The following CWF19L1 variants were observed in gnomAD, a reference collection of about 807,000 sequenced individuals.
CWF19L1 encodes the protein CWF19-like protein 1.
CWF19L1 carries 60 observed loss-of-function variants against 69.7 expected under a neutral mutation model. The ratio of observed to expected loss-of-function variants is 0.86; its 90% CI spans 0.70 to 1.07. The LOEUF (loss-of-function observed/expected upper bound fraction) is 1.07, where lower values mean the gene tolerates loss of function less well. Ranked by LOEUF, CWF19L1 falls within the 50% of genes least tolerant of loss-of-function variation. The pLI is 0.00. For synonymous variants in CWF19L1, 209 were observed against 222.2 expected (o/e 0.94, Z 0.53); for missense variants, 591 against 638.9 (o/e 0.92, Z 0.81).
chr10:100,253,747 G>A, intron 5 of CWF19L1: 1 of 438,590 alleles, frequency 2.3e-6, no homozygotes, highest in East Asian at 3.5e-5. Context: ...GTAGAAATAG[G>A]AACAACTGTT....
At chr10:100,248,960 T>C in intron 7 of CWF19L1, 1 of 731,028 alleles carries the variant, frequency 1.4e-6, no homozygotes, top group Admixed American at 2.0e-5. Flanking sequence ...GGGAACAGCC[T>C]GATAGAGCTG....
At chr10:100,248,570 G>A (rs1207436735) in intron 7 of CWF19L1, 12 of 729,758 alleles carry the variant, frequency 1.6e-5, no homozygotes, top group Admixed American at 5.5e-5. Context: ...CAGCTTCCTC[G>A]CATCTTGACC....
At chr10:100,267,300 G>A (rs995906899) in intron 1 of CWF19L1, 2 of 324,452 alleles carry the variant, frequency 6.2e-6, no homozygotes, top group African/African-American at 2.2e-5. Flanking sequence ...TCAGAGGCCA[G>A]GACTGCCCCC....
Position 100,260,257 on chromosome 10 carries a change from C to T in CWF19L1, c.250G>A (p.Ala84Thr). ...NQETVKYFQD[A>T]DGCELAENIT... is the part of the protein sequence containing the mutation. ...TTTTCAGCTAATTCACATCCATCAG[C>T]ATCCTGGAAATATTTTACTGTTTCC... The change falls in exon 4 of 14, where the codon GCT becomes ACT. Residue 84 changes from alanine to threonine, a missense_variant. Physicochemically the swap from Ala to Thr is moderately conservative, Grantham distance 58. Around this residue, in one of 3 missense-constraint regions of CWF19L1, gnomAD observed 129 missense variants for 131.3 expected, o/e 0.98. Coordinates refer to ENST00000354105, the MANE Select transcript of CWF19L1 (RefSeq NM_018294.6). The T allele has an allele frequency of 6.2e-7, 1 of 1,612,322 alleles. No individual in the cohort carries two copies. The highest frequency in any genetic ancestry group is 8.5e-7 in the Non-Finnish European group (1 of 1,178,568).
chr10:100,243,736 C>A lies in CWF19L1; in HGVS notation c.1006G>T (p.Glu336Ter). 1 of 1,614,190 alleles carries A rather than the reference C, an allele frequency of 6.2e-7. No individual in the cohort carries two copies. Among genetic ancestry groups the A allele is most frequent in the Non-Finnish European group, 8.5e-7 (1 of 1,180,010 alleles). ...TTGACCACCAAATGTTTTTCCACTTCAGGGCTAGCAAGGCAAAACCAGCAG... is the reference window on the plus strand; with the variant it reads ...TTGACCACCAAATGTTTTTCCACTTAAGGGCTAGCAAGGCAAAACCAGCAG... ...GPCWFCLASP[E>*]VEKHLVVNIG... Residue 336 changes from glutamate (E) to a stop codon, truncating the protein, a stop_gained, in exon 10 of 14, where the codon GAA (glutamate) becomes TAA (stop). Coordinates refer to ENST00000354105, the MANE Select transcript of CWF19L1 (RefSeq NM_018294.6). LOFTEE classifies it high-confidence loss of function.
intron 11 of CWF19L1, chr10:100,237,301 C>T (rs765926739): frequency 1.9e-6 from 1 of 526,940 alleles, no homozygotes; most frequent in East Asian, 4.9e-5. Flanking sequence ...ACCACCACAA[C>T]TACAAATGAT....
intron 10 of CWF19L1, among the ~76,000 whole-genome samples, chr10:100,239,101 G>C (rs1846554131): frequency 7.5e-6 from 1 of 133,976 alleles, no homozygotes; most frequent in Non-Finnish European, 1.5e-5. Context: ...CAAAACAAAA[G>C]CAAACATACA....
Position 100,236,906 on chromosome 10 carries a change from C to A in CWF19L1, c.1318G>T (p.Ala440Ser). ...AACAGCTCTATCTGCTGCTCCTGTG[C>A]CTGGGTAATGAAGGCATCTTTAATG... is the stretch of plus-strand genomic sequence containing the variant. The part of the protein sequence containing the change: ...DDIKDAFITQ[A>S]QEQQIELLEI... Residue 440 changes from alanine (A) to serine (S), a missense_variant, in exon 12 of 14, where the codon GCA (alanine) becomes TCA (serine). This residue lies in a region of CWF19L1 where 458 missense variants were observed against 489.3 expected (regional missense o/e 0.94). Coordinates refer to ENST00000354105, the MANE Select transcript of CWF19L1 (RefSeq NM_018294.6). 1 of 1,612,148 alleles carries A rather than the reference C, an allele frequency of 6.2e-7. No homozygotes were observed. Among genetic ancestry groups the A allele is most frequent in the Non-Finnish European group, 8.5e-7 (1 of 1,179,084 alleles).
chr10:100,242,738 T>A (rs889138084), intron 10 of CWF19L1, among the ~76,000 whole-genome samples: 2 of 150,970 alleles, frequency 1.3e-5, no homozygotes, highest in Non-Finnish European at 2.9e-5. Flanking sequence ...AAAAAGAATA[T>A]CAACATTTTT....
chr10:100,235,611 A>C, intron 13 of CWF19L1, 56 bp downstream of exon 13: 1 of 1,243,578 alleles, frequency 8.0e-7, no homozygotes, highest in Non-Finnish European at 1.2e-6. Context: ...CATGTAGCCC[A>C]CCACTCTGTT....
At chr10:100,244,457 G>A (rs1846742182) in intron 9 of CWF19L1, among the ~76,000 whole-genome samples, 5 of 152,200 alleles carry the variant, frequency 3.3e-5, no homozygotes, top group Admixed American at 6.5e-5. Context: ...CCAGGTTCAT[G>A]CCATTCTCCT....
intron 7 of CWF19L1, chr10:100,249,052 A>G (rs945818307): frequency 1.6e-5 from 9 of 555,938 alleles, no homozygotes; most frequent in Non-Finnish European, 2.7e-5. Flanking sequence ...GGGGCAGTCC[A>G]TGCTCCTCCA....
At chr10:100,242,598 C>T (rs886562129) in intron 10 of CWF19L1, among the ~76,000 whole-genome samples, 11 of 150,834 alleles carry the variant, frequency 7.3e-5, no homozygotes, top group Admixed American at 2.7e-4. Flanking sequence ...CACTTGAACC[C>T]GGGAGGCAGA....
At chr10:100,262,214 G>A in intron 1 of CWF19L1, 151 bp from the exon 2 acceptor site, 1 of 1,349,012 alleles carries the variant, frequency 7.4e-7, no homozygotes, top group Non-Finnish European at 9.5e-7. Flanking sequence ...CCACTGGGCA[G>A]ATCCACTGAG....
chr10:100,241,854 C>T (rs1478700652), intron 10 of CWF19L1, among the ~76,000 whole-genome samples: 2 of 152,196 alleles, frequency 1.3e-5, no homozygotes, highest in Non-Finnish European at 2.9e-5. Flanking sequence ...CAAATCACCT[C>T]TTATTAGGCC....
At chr10:100,246,763 T>C in intron 8 of CWF19L1, 32 bp downstream of exon 8, 2 of 1,580,010 alleles carry the variant, frequency 1.3e-6, no homozygotes, top group Non-Finnish European at 1.7e-6. Context: ...AAAGAACACA[T>C]ATAAAAATGC....
At chr10:100,263,214 T>C (rs758748585) in intron 1 of CWF19L1, among the ~76,000 whole-genome samples, 6 of 152,212 alleles carry the variant, frequency 3.9e-5, no homozygotes, top group Non-Finnish European at 8.8e-5. Context: ...CCACTGCCTA[T>C]AGAACCACAG....
chr10:100,262,450 T>C, intron 1 of CWF19L1: 1 of 985,318 alleles, frequency 1.0e-6, no homozygotes, highest in Non-Finnish European at 1.2e-6. Context: ...TCCTCCTATC[T>C]TAGTACGACT....
At chr10:100,249,611 G>C (rs1215012319) in intron 7 of CWF19L1, among the ~76,000 whole-genome samples, 1 of 151,996 alleles carries the variant, frequency 6.6e-6, no homozygotes, top group Non-Finnish European at 1.5e-5. Context: ...CCGAGACAGA[G>C]TCTCACTTTG....
Sources: allele counts gnomAD v4.1 joint callset (sites outside exome capture counted in the v4.1 genomes callset), GRCh38; gene constraint gnomAD v4.1.1; regional missense constraint gnomAD v4.1.1; transcripts MANE v1.5; gene names NCBI Gene and HGNC (gene_info 2026-07-23, HGNC 2026-07-21).